The following CROCC variants were observed in gnomAD, a reference collection of about 807,000 sequenced individuals.
CROCC encodes rootletin.
Under a neutral mutation model 245.2 loss-of-function variants are expected in CROCC, and 180 were observed. The observed-to-expected ratio is 0.73, with a 90% CI of 0.65 to 0.83. CROCC has a LOEUF of 0.83. Ranked by LOEUF, CROCC falls within the 40% of genes least tolerant of loss-of-function variation. The probability of loss-of-function intolerance (pLI) is 0.00; values close to 1 mark genes in which losing one functional copy is unlikely to be tolerated. For synonymous variants in CROCC, 1,205 were observed against 1,241.6 expected (o/e 0.97, Z 0.62); for missense variants, 2,688 against 2,779.4 (o/e 0.97, Z 0.74).
rs57800163 is a variant in CROCC at position 16,972,520 on chromosome 1, C to CCG, written c.*75_*76insGC. On this transcript the variant is annotated 3_prime_UTR_variant, in exon 37 of 37. Transcript: ENST00000375541. ...ACCCTTCTTTTGGACAGCCCCCCCA[C>CCG]CCAGAGCCCGGTCCCTTGGGGGCCT... 3,454 of 951,222 alleles carry CCG rather than the reference C, an allele frequency of 3.6e-3. 103 individuals are homozygous for CCG. The African/African-American group carries it at 0.058, about 16-fold the overall frequency. 58.9% of individuals were successfully genotyped at this position (951,222 alleles called of 1,614,324 possible).
chr1:16,940,387 C>A (rs1429779204), intron 13 of CROCC, among the ~76,000 whole-genome samples: 15 of 146,498 alleles, frequency 1.0e-4, no homozygotes, highest in African/African-American at 2.8e-4. Context: ...CCATGCCGGG[C>A]TAATTTTTTT....
Position 16,950,946 on chromosome 1 carries a change from C to G in CROCC, c.2837-7C>G. The G allele has an allele frequency of 6.6e-7, 1 of 1,524,714 alleles. No individual in the cohort carries two copies. Among genetic ancestry groups the G allele is most frequent in the Non-Finnish European group, 8.8e-7 (1 of 1,134,398 alleles). The allele number at this position is 1,524,714 out of a possible 1,614,324, so 94.4% of individuals were successfully genotyped here. On this transcript the variant is annotated splice_region_variant and splice_polypyrimidine_tract_variant and intron_variant, in intron 19 of 36. Coordinates refer to ENST00000375541, the MANE Select transcript of CROCC (RefSeq NM_014675.5). ...ACCCTGCCCTTTCCCCCATTCCTCT[C>G]GTGCAGGGGAGTTGGCGGGCCTGCG...
intron 2 of CROCC, among the ~76,000 whole-genome samples, chr1:16,923,522 GCCTTTC>G (rs1299432855): frequency 1.1e-4 from 16 of 152,348 alleles, no homozygotes; most frequent in African/African-American, 3.4e-4. Context: ...TCTCCCGCTG[GCCTTTC>G]TTTCCCTCTT....
At position 16,970,409 on chromosome 1, in the gene CROCC, C is replaced by T. The variant is rs774166280; in HGVS notation, c.5608C>T (p.Arg1870Trp). The T allele has an allele frequency of 8.7e-6, 14 of 1,604,178 alleles. No homozygotes were observed. Among genetic ancestry groups the T allele is most frequent in the East Asian group, 2.2e-5 (1 of 44,578 alleles). The part of the protein sequence containing the change: ...EKREVERSAL[R>W]LEKDRVALRR... Reference sequence around the variant, plus strand: ...GCGGGAGGTGGAGCGCTCAGCCCTGCGGCTGGAGAAGGACCGTGTAGCCCT... The same window carrying T: ...GCGGGAGGTGGAGCGCTCAGCCCTGTGGCTGGAGAAGGACCGTGTAGCCCT... The change falls in exon 34 of 37, where the codon CGG becomes TGG. Residue 1870 changes from arginine (R) to tryptophan (W), a missense_variant. This residue lies in a region of CROCC where 1,218 missense variants were observed against 1,286.3 expected (regional missense o/e 0.95). Transcript: ENST00000375541.
In CROCC at chr1:16,972,208, A is replaced by G; in HGVS notation, c.5968-152A>G. 4 of 695,334 alleles carry G rather than the reference A, an allele frequency of 5.8e-6. No homozygotes were observed. The South Asian group carries it at 6.5e-5, about 11-fold the overall frequency. The allele number at this position is 695,334 out of a possible 1,614,324, so 43.1% of individuals were successfully genotyped here. On this transcript the variant is annotated intron_variant, in intron 36 of 36. Transcript: ENST00000375541. Reference sequence around the variant, plus strand: ...GACGCCTGACTCTGCTATAAGGAACAAAATGAGAAAGGCAGGACAGCCCCT... The same window carrying G: ...GACGCCTGACTCTGCTATAAGGAACGAAATGAGAAAGGCAGGACAGCCCCT...
At position 16,955,405 on chromosome 1, in the gene CROCC, AGCCAGGAG is replaced by A. The variant is rs1490179128; in HGVS notation, c.3561_3568del (p.Ser1187ArgfsTer31). On this transcript the variant is annotated frameshift_variant, in exon 24 of 37. Transcript: ENST00000375541. LOFTEE classifies it high-confidence loss of function. ...GGAGGCCCAGCGCAAGCTGCGTGAG[AGCCAGGAG>A]GGCCGGGAGGTGCAGCGCCAGGAGG... The A allele has an allele frequency of 1.2e-6, 2 of 1,604,322 alleles. No individual in the cohort carries two copies. Among genetic ancestry groups the A allele is most frequent in the Non-Finnish European group, 1.7e-6 (2 of 1,178,704 alleles).
At chr1:16,922,635 C>G in intron 1 of CROCC, 28 bp from the exon 2 acceptor site, 2 of 1,582,414 alleles carry the variant, frequency 1.3e-6, no homozygotes, top group South Asian at 1.2e-5. Context: ...TCCCATGTCC[C>G]CTGAAGACCC....
chr1:16,961,006 C>G lies in CROCC; in HGVS notation c.4281C>G (p.Arg1427=). 1 of 1,305,436 alleles carries G rather than the reference C, an allele frequency of 7.7e-7. No homozygotes were observed. Among genetic ancestry groups the G allele is most frequent in the South Asian group, 2.3e-5 (1 of 42,696 alleles). The allele number at this position is 1,305,436 out of a possible 1,614,324, so 80.9% of individuals were successfully genotyped here. A position where few individuals can be genotyped will look rare whatever the true frequency, so the allele number is the denominator to read the frequency against. Reference sequence around the variant, plus strand: ...TGGCCCGCGTGGAGGTGCAGCGGCGCGCGGCGGAGGCCCAGCTGGGTGGCC... The same window carrying G: ...TGGCCCGCGTGGAGGTGCAGCGGCGGGCGGCGGAGGCCCAGCTGGGTGGCC... ...AELARVEVQR[R]AAEAQLGGLR... Residue 1427 remains arginine (R), a synonymous_variant, in exon 27 of 37, where the codon CGC becomes CGG. Transcript: ENST00000375541.
rs2076064402 is a variant in CROCC, at chr1:16,947,006, G to A, written c.2514+15G>A. 1.2e-5 allele frequency: 18 copies of A among 1,542,926 alleles called. No homozygotes were observed. Among genetic ancestry groups the A allele is most frequent in the East Asian group, 7.3e-5 (3 of 40,942 alleles). ...AGCTAGCGCAGGTGGGCAAAGCTGT[G>A]TGTGGGGGTGGTGTGGAGAGCATGT... On this transcript the variant is annotated intron_variant, in intron 17 of 36. Transcript: ENST00000375541.
At chr1:16,924,763 A>G (rs1346481920) in intron 3 of CROCC, among the ~76,000 whole-genome samples, 1 of 152,290 alleles carries the variant, frequency 6.6e-6, no homozygotes, top group Non-Finnish European at 1.5e-5. Flanking sequence ...CATCTGTCCC[A>G]GGCCTGTTAG....
chr1:16,914,400 C>T (rs868343854), intron 1 of CROCC, among the ~76,000 whole-genome samples: 14 of 152,356 alleles, frequency 9.2e-5, no homozygotes, highest in Admixed American at 2.0e-4. Flanking sequence ...CAGGGCGCAG[C>T]CGTCCCTCCG....
intron 30 of CROCC, among the ~76,000 whole-genome samples, chr1:16,967,137 A>G (rs1408500684): frequency 6.6e-6 from 1 of 152,164 alleles, no homozygotes; most frequent in East Asian, 1.9e-4. Context: ...TCATTTTCCT[A>G]ATCTGTAAAA....
At chr1:16,970,902 C>A in intron 35 of CROCC, 135 bp downstream of exon 35, 2 of 1,112,490 alleles carry the variant, frequency 1.8e-6, no homozygotes, top group Non-Finnish European at 2.4e-6. Flanking sequence ...TCCAGTGACC[C>A]AGCGGGCCAT....
Position 16,936,663 on chromosome 1 carries a change from T to C in CROCC, c.983T>C (p.Leu328Pro). The part of the protein sequence containing the change: ...ERDLLQLGGE[L>P]ARTSRAVQEA... Reference sequence around the variant, plus strand: ...GACCTGCTGCAGCTGGGAGGGGAGCTGGCCCGGACATCACGAGCTGTCCAG... The same window carrying C: ...GACCTGCTGCAGCTGGGAGGGGAGCCGGCCCGGACATCACGAGCTGTCCAG... Residue 328 changes from leucine (L) to proline (P), a missense_variant, in exon 9 of 37, where the codon CTG (leucine) becomes CCG (proline). Leu to Pro is a moderately conservative substitution (Grantham distance 98). Transcript: ENST00000375541. 1 of 1,595,328 alleles carries C rather than the reference T, an allele frequency of 6.3e-7. No homozygotes were observed.
chr1:16,938,632 C>T (rs2075845887), intron 11 of CROCC, 149 bp downstream of exon 11: 1 of 888,748 alleles, frequency 1.1e-6, no homozygotes, highest in South Asian at 1.8e-5. Context: ...CTAGCTCACC[C>T]AGCCTCTGCC....
At position 16,969,241 on chromosome 1, in the gene CROCC, C is replaced by T. The variant is rs767877396; in HGVS notation, c.5202C>T (p.Ala1734=). The T allele has an allele frequency of 1.2e-6, 2 of 1,613,428 alleles. No homozygotes were observed. The highest frequency in any genetic ancestry group is 1.7e-6 in the Non-Finnish European group (2 of 1,179,846). The change falls in exon 32 of 37, where the codon GCC becomes GCT. Residue 1734 remains alanine (A), a synonymous_variant. Transcript: ENST00000375541. ...ACAAGGTGCGGGGCCTGACAGAGGC[C>T]CTGGCCCAGAGCAGTGCCAGCCTCA... ...LRDKVRGLTE[A]LAQSSASLNS...
intron 3 of CROCC, among the ~76,000 whole-genome samples, chr1:16,925,155 G>A (rs1309390994): frequency 1.3e-5 from 2 of 152,256 alleles, no homozygotes; most frequent in Non-Finnish European, 2.9e-5. Context: ...AGGTGGCCCT[G>A]GGAAGTTGGT....
chr1:16,927,052 C>T (rs1281828318), intron 3 of CROCC, among the ~76,000 whole-genome samples: 1 of 152,256 alleles, frequency 6.6e-6, no homozygotes, highest in African/African-American at 2.4e-5. Flanking sequence ...GCAAACAGCA[C>T]CTGCTTCACA....
chr1:16,924,904 C>T (rs527549921), intron 3 of CROCC, among the ~76,000 whole-genome samples: 2 of 152,360 alleles, frequency 1.3e-5, no homozygotes, highest in East Asian at 1.9e-4. Flanking sequence ...TGGGCACCCG[C>T]GGTGTTCTGC....
Sources: allele counts gnomAD v4.1 joint callset (sites outside exome capture counted in the v4.1 genomes callset), GRCh38; gene constraint gnomAD v4.1.1; regional missense constraint gnomAD v4.1.1; transcripts MANE v1.5; gene names NCBI Gene and HGNC (gene_info 2026-07-23, HGNC 2026-07-21).